Variants in CPSF7 observed in about 807,000 individuals in gnomAD.
CPSF7 encodes the protein cleavage and polyadenylation specific factor 7, also known as cleavage and polyadenylation specificity factor subunit 7.
A neutral mutation model predicts 44.3 loss-of-function variants in CPSF7; 1 was observed. The ratio of observed to expected loss-of-function variants is 0.02; its 90% CI spans 0.01 to 0.11. The LOEUF (loss-of-function observed/expected upper bound fraction) is 0.11. CPSF7 is among the 10% of genes least tolerant of loss of function. The pLI, the probability that CPSF7 is intolerant of heterozygous loss-of-function variation, is 1.00. For synonymous variants in CPSF7, 202 were observed against 222.0 expected (o/e 0.91, Z 0.80); for missense variants, 443 against 607.2 (o/e 0.73, Z 2.84).
chr11:61,422,091 G>A lies in CPSF7; in HGVS notation c.55-483C>T, dbSNP rs576169733. ...ATGCAGAGGAAAAGCATGAAAGTGG[G>A]TACAAAAATGCAGAAAAGATTGGGA... On this transcript the variant is annotated intron_variant, in intron 2 of 9. Transcript: ENST00000439958. 3.3e-5 allele frequency among the ~76,000 whole-genome samples: 5 copies of A among 152,218 alleles called. No individual in the cohort carries two copies. In the South Asian group the frequency reaches 1.0e-3, roughly 32 times the overall value.
intron 1 of CPSF7, 76 bp downstream of exon 1, chr11:61,429,838 G>A (rs1444028766): frequency 3.2e-6 from 5 of 1,545,714 alleles, no homozygotes; most frequent in East Asian, 2.5e-5. Context: ...CATCTCAACC[G>A]ACCCCCTTCC....
intron 3 of CPSF7, chr11:61,420,896 C>T: frequency 2.0e-6 from 1 of 493,894 alleles, no homozygotes; most frequent in Non-Finnish European, 3.8e-6. Context: ...TAGAGTTGAC[C>T]ATTGCCAGAA....
At chr11:61,418,231 C>A (rs7110530) in intron 5 of CPSF7, among the ~76,000 whole-genome samples, 17,669 of 152,116 alleles carry the variant, frequency 0.12, 3,406 homozygotes, top group African/African-American at 0.4. Context: ...CCAATCAATA[C>A]AAGGCACTAT....
intron 2 of CPSF7, 105 bp downstream of exon 2, chr11:61,429,077 C>T: frequency 3.0e-6 from 2 of 662,656 alleles, no homozygotes; most frequent in East Asian, 2.7e-5. Flanking sequence ...CGGATAGACG[C>T]GTGTTCAAGC....
At position 61,402,770 on chromosome 11, in the gene CPSF7, CAGAA is replaced by C. The variant is rs1858987077; in HGVS notation, c.*1936_*1939del. The C allele has an allele frequency of 6.6e-6, 1 of 152,562 alleles. No homozygotes were observed. Among genetic ancestry groups the C allele is most frequent in the Non-Finnish European group, 1.5e-5 (1 of 68,028 alleles). 9.5% of individuals were successfully genotyped at this position (152,562 alleles called of 1,614,324 possible). A position where few individuals can be genotyped will look rare whatever the true frequency, so the allele number is the denominator to read the frequency against. The stretch of plus-strand genomic sequence containing the variant: ...GTTTATTACACAATTTTCAACCTAT[CAGAA>C]AGACAAACAAATCACCGACAACAGG... On this transcript the variant is annotated 3_prime_UTR_variant, in exon 10 of 10. Transcript: ENST00000439958.
chr11:61,421,491 C>T lies in CPSF7; in HGVS notation c.172G>A (p.Glu58Lys). The T allele has an allele frequency of 6.2e-7, 1 of 1,614,042 alleles. No homozygotes were observed. The highest frequency in any genetic ancestry group is 8.5e-7 in the Non-Finnish European group (1 of 1,180,024). The change falls in exon 3 of 10, where the codon GAG (glutamate) becomes AAG (lysine). Residue 58 changes from glutamate to lysine, a missense_variant. By Grantham distance (56) the Glu-to-Lys change is moderately conservative. Coordinates refer to ENST00000439958, the MANE Select transcript of CPSF7 (RefSeq NM_001142565.3). ...TTGTTGTTGGGCTTGGGAGATGGCTCCTGGCGAACAGGAGGAGGTGGTTCA... is the reference window on the plus strand; with the variant it reads ...TTGTTGTTGGGCTTGGGAGATGGCTTCTGGCGAACAGGAGGAGGTGGTTCA... ...STEPPPPVRQ[E>K]PSPKPNNKTP...
chr11:61,420,847 T>C (rs372330336), intron 3 of CPSF7: 24 of 522,038 alleles, frequency 4.6e-5, no homozygotes, highest in South Asian at 1.2e-4. Context: ...AGTTCAAACA[T>C]TGACAGCTAG....
Position 61,411,162 on chromosome 11 carries a change from T to C in CPSF7, c.1227-57A>G, listed in dbSNP as rs975087632. On this transcript the variant is annotated intron_variant, in intron 8 of 9. Transcript: ENST00000439958. ...AGGCCTACCACTTTCTTTCCAAGAA[T>C]GTGGTGTTTTGGTGTCTTCTGATAT... The C allele has an allele frequency of 2.0e-6, 3 of 1,517,854 alleles. 1 individual carries two copies. The Admixed American group carries it at 6.2e-5, about 31-fold the overall frequency. 94.0% of individuals were successfully genotyped at this position (1,517,854 alleles called of 1,614,324 possible). A position where few individuals can be genotyped will look rare whatever the true frequency, so the allele number is the denominator to read the frequency against.
intron 3 of CPSF7, 56 bp from the exon 4 acceptor site, chr11:61,420,629 C>T (rs1234872321): frequency 7.4e-7 from 1 of 1,359,584 alleles, no homozygotes; most frequent in African/African-American, 1.4e-5. Context: ...CCCCGCCCGC[C>T]AATGTCCCAA....
At chr11:61,428,320 C>G (rs1418270488) in intron 2 of CPSF7, among the ~76,000 whole-genome samples, 1 of 152,094 alleles carries the variant, frequency 6.6e-6, no homozygotes. Flanking sequence ...GTAGATGGGA[C>G]TACAGGCACA....
chr11:61,416,607 C>T (rs913018505), intron 5 of CPSF7, 88 bp from the exon 6 acceptor site: 1 of 1,369,954 alleles, frequency 7.3e-7, no homozygotes, highest in African/African-American at 1.4e-5. Context: ...ATCAGACACC[C>T]TACAAAGGAA....
chr11:61,419,919 T>A, intron 5 of CPSF7, 30 bp downstream of exon 5: 1 of 1,570,466 alleles, frequency 6.4e-7, no homozygotes, highest in Non-Finnish European at 8.7e-7. Context: ...GGTCTCCACG[T>A]ACCCCCTCTT....
At chr11:61,415,054 T>C (rs1330926050) in intron 7 of CPSF7, among the ~76,000 whole-genome samples, 1 of 152,096 alleles carries the variant, frequency 6.6e-6, no homozygotes, top group Non-Finnish European at 1.5e-5. Context: ...CTGGCCAATA[T>C]GATGAAACCC....
intron 7 of CPSF7, among the ~76,000 whole-genome samples, chr11:61,412,664 T>C (rs1316564484): frequency 2.0e-5 from 3 of 152,244 alleles, no homozygotes; most frequent in Admixed American, 6.5e-5. Flanking sequence ...TATTACATTA[T>C]TAATGTACTA....
intron 2 of CPSF7, among the ~76,000 whole-genome samples, chr11:61,423,849 T>C (rs1054095810): frequency 2.6e-5 from 4 of 152,214 alleles, no homozygotes; most frequent in Admixed American, 6.5e-5. Context: ...AAACAATCTT[T>C]CAGTTTTTCA....
At chr11:61,427,114 C>A (rs1861444066) in intron 2 of CPSF7, 1 of 147,428 alleles carries the variant, frequency 6.8e-6, no homozygotes, top group Admixed American at 6.8e-5. Flanking sequence ...TGCAAAAAGT[C>A]TGAACTGGGC....
At chr11:61,424,382 G>C (rs1443356152) in intron 2 of CPSF7, among the ~76,000 whole-genome samples, 1 of 152,208 alleles carries the variant, frequency 6.6e-6, no homozygotes, top group Non-Finnish European at 1.5e-5. Flanking sequence ...GTTCAAGGTA[G>C]AGAAAGGATT....
At chr11:61,412,894 A>C (rs1859982919) in intron 7 of CPSF7, among the ~76,000 whole-genome samples, 1 of 152,258 alleles carries the variant, frequency 6.6e-6, no homozygotes, top group African/African-American at 2.4e-5. Flanking sequence ...ATATGCATAG[A>C]AAAAATTCTG....
chr11:61,407,208 C>G (rs755314435), intron 9 of CPSF7, among the ~76,000 whole-genome samples: 9 of 152,182 alleles, frequency 5.9e-5, no homozygotes, highest in Non-Finnish European at 1.2e-4. Flanking sequence ...GCAAAGCCAT[C>G]AGGAATGGTG....
Sources: gnomAD v4.1 joint callset for allele counts (sites outside exome capture counted in the v4.1 genomes callset) on GRCh38, gnomAD v4.1.1 for gene constraint, MANE v1.5 for transcripts, NCBI Gene and HGNC (gene_info 2026-07-23, HGNC 2026-07-21) for gene names.